MAP4K4: variants seen among roughly 807,000 people sequenced by gnomAD.
MAP4K4 encodes mitogen-activated protein kinase kinase kinase kinase 4.
Under a neutral mutation model 189.6 loss-of-function variants are expected in MAP4K4, and 38 were observed. The observed-to-expected ratio is 0.20, with a 90% CI of 0.15 to 0.26. MAP4K4 has a LOEUF of 0.26. Ranked by LOEUF, MAP4K4 falls within the 10% of genes least tolerant of loss-of-function variation. The probability of loss-of-function intolerance (pLI) is 1.00; values close to 1 mark genes in which losing one functional copy is unlikely to be tolerated. For synonymous variants in MAP4K4, 610 were observed against 624.3 expected (o/e 0.98, Z 0.34); for missense variants, 1,054 against 1,726.9 (o/e 0.61, Z 6.91).
At chr2:101,888,985 G>T in intron 32 of MAP4K4, 50 bp downstream of exon 32, 1 of 1,477,804 alleles carries the variant, frequency 6.8e-7, no homozygotes, top group Non-Finnish European at 9.2e-7. Context: ...TTTTAATAAT[G>T]GCTTGTTTTC....
intron 2 of MAP4K4, among the ~76,000 whole-genome samples, chr2:101,702,156 C>T (rs1369630037): frequency 6.6e-6 from 1 of 152,234 alleles, no homozygotes; most frequent in Non-Finnish European, 1.5e-5. Context: ...TGAGCCACTG[C>T]ACCCGGCCTT....
chr2:101,808,925 C>A (rs570400177), intron 3 of MAP4K4, among the ~76,000 whole-genome samples: 1 of 152,112 alleles, frequency 6.6e-6, no homozygotes, highest in Non-Finnish European at 1.5e-5. Context: ...TCTCACCCCC[C>A]CGACGTTCTG....
At chr2:101,839,913 A>C (rs1271490817) in exon 10 of MAP4K4, 5 of 1,613,802 alleles carry the variant, frequency 3.1e-6, no homozygotes, top group Admixed American at 1.7e-5. Context: ...TCCTTTTATA[A>C]GGGATCAGCC....
At chr2:101,749,892 C>CA (rs1269565943) in intron 2 of MAP4K4, among the ~76,000 whole-genome samples, 1 of 66,258 alleles carries the variant, frequency 1.5e-5, no homozygotes, top group Non-Finnish European at 2.8e-5. Context: ...TTTATGCAGC[C>CA]AAAAAACAAA....
At chr2:101,804,123 C>T (rs1052972836) in intron 3 of MAP4K4, among the ~76,000 whole-genome samples, 7 of 152,160 alleles carry the variant, frequency 4.6e-5, no homozygotes, top group Admixed American at 2.6e-4. Flanking sequence ...TATTGTTCCA[C>T]GTTAGCCTGC....
At chr2:101,699,699 CA>C in intron 2 of MAP4K4, among the ~76,000 whole-genome samples, 1 of 151,662 alleles carries the variant, frequency 6.6e-6, no homozygotes, top group South Asian at 2.1e-4. Context: ...GTTTATCTAT[CA>C]CTTGAACGCC....
intron 2 of MAP4K4, among the ~76,000 whole-genome samples, chr2:101,767,663 GCTCAGGGTC>G (rs1465364541): frequency 1.3e-5 from 2 of 152,172 alleles, no homozygotes; most frequent in Non-Finnish European, 2.9e-5. Flanking sequence ...TTTTTATCTA[GCTCAGGGTC>G]CTCAGCAGGC....
At chr2:101,796,888 G>A (rs889146241) in intron 3 of MAP4K4, among the ~76,000 whole-genome samples, 3 of 152,154 alleles carry the variant, frequency 2.0e-5, no homozygotes, top group Non-Finnish European at 4.4e-5. Context: ...TCCTAGAGCA[G>A]CCAAGTAAGA....
intron 2 of MAP4K4, among the ~76,000 whole-genome samples, chr2:101,784,131 A>G (rs551898247): frequency 6.6e-6 from 1 of 152,302 alleles, no homozygotes; most frequent in African/African-American, 2.4e-5. Context: ...CCACCTCACT[A>G]GCCCCATAGT....
chr2:101,779,809 CTT>C (rs34853403), intron 2 of MAP4K4, among the ~76,000 whole-genome samples: 37 of 143,692 alleles, frequency 2.6e-4, no homozygotes, highest in African/African-American at 3.8e-4. Flanking sequence ...TTTCACCTCT[CTT>C]TTTTTTTTTT....
chr2:101,863,144 A>G (rs953772417), intron 16 of MAP4K4, among the ~76,000 whole-genome samples: 1 of 152,252 alleles, frequency 6.6e-6, no homozygotes, highest in South Asian at 2.1e-4. Flanking sequence ...CAGGGAATCC[A>G]TGGTACTGAA....
At chr2:101,698,058 T>A (rs781390604) in exon 1 of MAP4K4, 1 of 1,321,428 alleles carries the variant, frequency 7.6e-7, no homozygotes, top group Non-Finnish European at 1.0e-6. Context: ...TTGTTATTTG[T>A]TTTTTGGTGG....
exon 2 of MAP4K4, chr2:101,698,494 C>T: frequency 1.9e-6 from 3 of 1,613,800 alleles, no homozygotes; most frequent in Non-Finnish European, 2.5e-6. Flanking sequence ...GATTTTTGAG[C>T]TGGTGGAAGT....
chr2:101,841,122 C>T (rs890534783), intron 10 of MAP4K4, among the ~76,000 whole-genome samples: 1 of 152,162 alleles, frequency 6.6e-6, no homozygotes, highest in Non-Finnish European at 1.5e-5. Context: ...TCATGTTTTC[C>T]TCATCACCCA....
exon 13 of MAP4K4, chr2:101,856,076 C>T (rs1157407232): frequency 4.5e-6 from 7 of 1,550,484 alleles, no homozygotes; most frequent in African/African-American, 2.7e-5. Context: ...GGAGAGAAGG[C>T]GCAAAGAAGA....
At position 101,809,017 on chromosome 2, in the gene MAP4K4, A is replaced by G. The variant is rs572522418; in HGVS notation, c.181-14911A>G. 5.1e-4 allele frequency among the ~76,000 whole-genome samples: 77 copies of G among 152,248 alleles called. No individual in the cohort carries two copies. In the Middle Eastern group the frequency reaches 0.01, roughly 20 times the overall value. On this transcript the variant is annotated intron_variant, in intron 3 of 32. Transcript: ENST00000324219. ...GGAAAGCCCCCAGTCAAATGTGTTT[A>G]TATGTGTGGCTGCGTTTAGTTTAAA... is the stretch of plus-strand genomic sequence containing the variant.
intron 2 of MAP4K4, among the ~76,000 whole-genome samples, chr2:101,740,422 G>A (rs1466500112): frequency 9.8e-6 from 1 of 102,512 alleles, no homozygotes; most frequent in African/African-American, 1.6e-4. Context: ...CCAAAGTGCT[G>A]GGATTACAGG....
At chr2:101,851,855 T>A (rs984566036) in intron 12 of MAP4K4, among the ~76,000 whole-genome samples, 17 of 151,784 alleles carry the variant, frequency 1.1e-4, no homozygotes, top group Admixed American at 1.1e-3. Context: ...GTCTTCTACG[T>A]TTTTTTAAAG....
In MAP4K4 at chr2:101,790,351, G is replaced by T. The variant is rs181586439; in HGVS notation, c.124-369G>T. Among the ~76,000 whole-genome samples the T allele has an allele frequency of 3.0e-3, 461 of 151,956 alleles. 3 individuals carry two copies. The highest frequency in any genetic ancestry group is 0.011 in the African/African-American group (446 of 41,436). On this transcript the variant is annotated intron_variant, in intron 2 of 32. Transcript: ENST00000324219. ...AAAAAAAAAGTTTCTTTGAGATAGT[G>T]TTATGTAAATTAAACCTGTGAAGGA...
Sources: allele counts gnomAD v4.1 joint callset (sites outside exome capture counted in the v4.1 genomes callset), GRCh38; gene constraint gnomAD v4.1.1; transcripts MANE v1.5; gene names NCBI Gene and HGNC (gene_info 2026-07-23, HGNC 2026-07-21).